Variants in CHN1 observed in about 807,000 individuals in gnomAD.
The protein encoded by CHN1 is N-chimaerin.
A neutral mutation model predicts 59.5 loss-of-function variants in CHN1; 37 were observed. The observed-to-expected ratio is 0.62, with a 90% CI of 0.48 to 0.82. The LOEUF (loss-of-function observed/expected upper bound fraction) is 0.82. CHN1 is among the 40% of genes least tolerant of loss of function. The pLI, the probability that CHN1 is intolerant of heterozygous loss-of-function variation, is 0.00. For synonymous variants in CHN1, 206 were observed against 200.4 expected (o/e 1.03, Z -0.24); for missense variants, 469 against 571.0 (o/e 0.82, Z 1.82).
chr2:174,938,618 A>G (rs931494874), intron 3 of CHN1, among the ~76,000 whole-genome samples: 1 of 152,212 alleles, frequency 6.6e-6, no homozygotes, highest in Non-Finnish European at 1.5e-5. Context: ...TATCACCACT[A>G]ATTTCCAAAG....
In CHN1 at chr2:174,817,918, T is replaced by A. The variant is rs1574050512; in HGVS notation, c.713-5436A>T. On this transcript the variant is annotated intron_variant, in intron 8 of 12. Coordinates refer to ENST00000409900, the MANE Select transcript of CHN1 (RefSeq NM_001822.7). Reference sequence around the variant, plus strand: ...TCCCAAAGTGCTGGGATTACAGGCATGAGCCATCGCGCCCGGCCAATTTTT... The same window carrying A: ...TCCCAAAGTGCTGGGATTACAGGCAAGAGCCATCGCGCCCGGCCAATTTTT... 4.6e-5 allele frequency among the ~76,000 whole-genome samples: 7 copies of A among 152,308 alleles called. No homozygotes were observed. The South Asian group carries it at 1.4e-3, about 32-fold the overall frequency.
intron 8 of CHN1, among the ~76,000 whole-genome samples, chr2:174,816,397 A>G (rs966409815): frequency 2.6e-5 from 4 of 152,216 alleles, no homozygotes; most frequent in Admixed American, 6.5e-5. Context: ...CTGCTGCTGC[A>G]GCATCCACTG....
At chr2:174,988,165 T>C (rs1412328900) in intron 1 of CHN1, among the ~76,000 whole-genome samples, 5 of 152,104 alleles carry the variant, frequency 3.3e-5, no homozygotes, top group East Asian at 1.9e-4. Context: ...GAGACCATCC[T>C]GGCTAACACG....
chr2:174,926,000 T>C (rs1402213955), intron 3 of CHN1, among the ~76,000 whole-genome samples: 1 of 152,212 alleles, frequency 6.6e-6, no homozygotes, highest in Non-Finnish European at 1.5e-5. Flanking sequence ...ATGGTTTGCA[T>C]AAATGTTATA....
chr2:174,953,038 A>G (rs969426847), intron 1 of CHN1, among the ~76,000 whole-genome samples: 3 of 152,160 alleles, frequency 2.0e-5, no homozygotes, highest in African/African-American at 7.2e-5. Context: ...GCAAGACTAT[A>G]TAGCCACGAC....
intron 1 of CHN1, 53 bp from the exon 2 acceptor site, chr2:174,952,255 G>C: frequency 1.9e-6 from 2 of 1,073,410 alleles, no homozygotes; most frequent in Non-Finnish European, 2.6e-6. Context: ...TTTTAAATGA[G>C]ACATTTTAAT....
At chr2:174,940,492 T>C (rs187543826) in intron 3 of CHN1, among the ~76,000 whole-genome samples, 1 of 152,224 alleles carries the variant, frequency 6.6e-6, no homozygotes, top group Admixed American at 6.5e-5. Flanking sequence ...CTGATGGCCA[T>C]GTCTCTTTAG....
At chr2:174,932,441 A>G (rs1292308371) in intron 3 of CHN1, among the ~76,000 whole-genome samples, 5 of 152,240 alleles carry the variant, frequency 3.3e-5, no homozygotes, top group African/African-American at 1.2e-4. Flanking sequence ...TGACGTAAGT[A>G]TCTACAAGAG....
chr2:174,833,108 T>C (rs1418664046), intron 7 of CHN1, among the ~76,000 whole-genome samples: 1 of 152,166 alleles, frequency 6.6e-6, no homozygotes, highest in Non-Finnish European at 1.5e-5. Flanking sequence ...CCTGCTGTTG[T>C]TGAGTGGAGT....
intron 1 of CHN1, among the ~76,000 whole-genome samples, chr2:175,001,923 T>A (rs926789007): frequency 6.6e-6 from 1 of 152,242 alleles, no homozygotes; most frequent in African/African-American, 2.4e-5. Flanking sequence ...TCCCAGTAAT[T>A]ACTAGAAAAC....
intron 6 of CHN1, among the ~76,000 whole-genome samples, chr2:174,866,512 G>C (rs555926685): frequency 2.0e-5 from 3 of 152,254 alleles, no homozygotes; most frequent in African/African-American, 7.2e-5. Context: ...TCATTAGTTA[G>C]GGAAAGGCAT....
chr2:174,963,303 A>G (rs1690477667), intron 1 of CHN1, among the ~76,000 whole-genome samples: 1 of 152,244 alleles, frequency 6.6e-6, no homozygotes, highest in South Asian at 2.1e-4. Context: ...AATGCCTGGC[A>G]AGAATAGGTC....
At chr2:174,961,483 C>T (rs1383856721) in intron 1 of CHN1, among the ~76,000 whole-genome samples, 2 of 151,310 alleles carry the variant, frequency 1.3e-5, no homozygotes, top group Non-Finnish European at 3.0e-5. Context: ...CCCAGCTACT[C>T]GGGAGGCTGA....
chr2:174,994,184 G>A (rs1559014731), intron 1 of CHN1, among the ~76,000 whole-genome samples: 1 of 152,164 alleles, frequency 6.6e-6, no homozygotes, highest in Non-Finnish European at 1.5e-5. Flanking sequence ...ATCTGCTGGT[G>A]GTTAGTAATA....
intron 3 of CHN1, among the ~76,000 whole-genome samples, chr2:174,940,529 CACT>C (rs1359575253): frequency 1.3e-5 from 2 of 148,242 alleles, no homozygotes; most frequent in East Asian, 1.9e-4. Context: ...ATCATCCCAC[CACT>C]GTTTTTTTTT....
chr2:174,972,885 C>T (rs212362), intron 1 of CHN1, among the ~76,000 whole-genome samples: 139,286 of 152,292 alleles, frequency 0.91, 63,766 homozygotes, highest in African/African-American at 0.95. Flanking sequence ...AAAAAGTGAA[C>T]TAATAAACAT....
At chr2:174,994,906 G>A (rs1432970498) in intron 1 of CHN1, among the ~76,000 whole-genome samples, 2 of 152,274 alleles carry the variant, frequency 1.3e-5, no homozygotes, top group South Asian at 2.1e-4. Context: ...ACCACTGGAC[G>A]ATTTTAAGGA....
intron 3 of CHN1, among the ~76,000 whole-genome samples, chr2:174,937,838 T>C (rs1689542219): frequency 6.6e-6 from 1 of 152,148 alleles, no homozygotes. Context: ...GCTCCCCCTC[T>C]GCCTTCCACC....
Position 174,812,313 on chromosome 2 carries a change from A to G in CHN1, c.882T>C (p.Ser294=). 1 of 1,612,000 alleles carries G rather than the reference A, an allele frequency of 6.2e-7. No individual in the cohort carries two copies. The highest frequency in any genetic ancestry group is 2.2e-5 in the East Asian group (1 of 44,842). The stretch of plus-strand genomic sequence containing the variant: ...CCCGCACTGCAAATGGCTCACCTCT[A>G]GACTCAATCTCCCTGATGCACATGT... ...VVDMCIREIE[S]RGLNSEGLYR... Residue 294 remains serine (S), a synonymous_variant, in exon 9 of 13, where the codon TCT becomes TCC. Transcript: ENST00000409900.
Sources: allele counts gnomAD v4.1 joint callset (sites outside exome capture counted in the v4.1 genomes callset), GRCh38; gene constraint gnomAD v4.1.1; transcripts MANE v1.5; gene names NCBI Gene and HGNC (gene_info 2026-07-23, HGNC 2026-07-21).